Variants in EIF4G3 observed in about 807,000 individuals in gnomAD.
The protein encoded by EIF4G3 is eIF-4-gamma 3.
EIF4G3 carries 34 observed loss-of-function variants against 186.4 expected under a neutral mutation model. That is an observed-to-expected ratio of 0.18 (90% confidence interval 0.14 to 0.24). EIF4G3 has a LOEUF of 0.24. Ranked by LOEUF, EIF4G3 falls within the 10% of genes least tolerant of loss-of-function variation. EIF4G3 has a pLI of 1.00. For missense variants in EIF4G3, 1,536 were observed against 1,948.5 expected (o/e 0.79, Z 3.99); for synonymous variants, 673 against 679.5 (o/e 0.99, Z 0.15).
intron 3 of EIF4G3, among the ~76,000 whole-genome samples, chr1:21,058,391 C>A (rs1047024509): frequency 6.6e-6 from 1 of 152,152 alleles, no homozygotes; most frequent in Admixed American, 6.5e-5. Flanking sequence ...AGGCTTTCTG[C>A]ATGAAATTGT....
Position 21,017,649 on chromosome 1 carries a change from A to AG in EIF4G3, c.-66-14842_-66-14841insC, listed in dbSNP as rs933583545. On this transcript the variant is annotated intron_variant, in intron 4 of 36. Coordinates refer to ENST00000602326, the MANE Select transcript of EIF4G3 (RefSeq NM_001391906.1). ...TCTCAAAAAAAAAAAAAAAAAAAAA[A>AG]AAAAAGAAGTTTAGTGTCCTTAATC... Among the ~76,000 whole-genome samples the AG allele has an allele frequency of 5.3e-5, 8 of 150,460 alleles. No individual in the cohort carries two copies. The South Asian group carries it at 1.0e-3, about 20-fold the overall frequency.
At chr1:20,951,457 C>T (rs959210191) in intron 12 of EIF4G3, among the ~76,000 whole-genome samples, 1 of 151,768 alleles carries the variant, frequency 6.6e-6, no homozygotes, top group African/African-American at 2.4e-5. Context: ...TTCACGGGGA[C>T]AAATAAAGAA....
intron 4 of EIF4G3, among the ~76,000 whole-genome samples, chr1:21,047,578 CT>C (rs966341208): frequency 3.9e-5 from 6 of 152,200 alleles, no homozygotes; most frequent in African/African-American, 1.4e-4. Context: ...ATTCCCCACC[CT>C]GCTTCCCTCT....
intron 18 of EIF4G3, among the ~76,000 whole-genome samples, chr1:20,887,042 T>C (rs972518109): frequency 1.3e-5 from 2 of 152,194 alleles, no homozygotes; most frequent in African/African-American, 4.8e-5. Flanking sequence ...AAAAGTTGCA[T>C]TTTGTGTATC....
intron 8 of EIF4G3, 120 bp from the exon 9 acceptor site, chr1:20,981,347 T>C (rs1241541358): frequency 1.5e-5 from 11 of 722,282 alleles, no homozygotes; most frequent in Non-Finnish European, 2.4e-5. Context: ...AAATACAATA[T>C]GCATAAAAAG....
intron 7 of EIF4G3, among the ~76,000 whole-genome samples, chr1:20,994,449 TG>T (rs2081838116): frequency 6.6e-6 from 1 of 152,100 alleles, no homozygotes; most frequent in African/African-American, 2.4e-5. Flanking sequence ...AGAATTTAAC[TG>T]GTGTTCAGGA....
chr1:20,917,263 A>G (rs905606083), intron 14 of EIF4G3, among the ~76,000 whole-genome samples: 5 of 152,326 alleles, frequency 3.3e-5, no homozygotes, highest in Admixed American at 3.3e-4. Context: ...TTGGGAGGCC[A>G]AGGCAGGTGG....
intron 25 of EIF4G3, among the ~76,000 whole-genome samples, chr1:20,855,376 T>G (rs181063393): frequency 4.6e-5 from 7 of 152,360 alleles, no homozygotes; most frequent in African/African-American, 1.7e-4. Context: ...CTAATCATTC[T>G]TCTTGTACAA....
chr1:21,075,406 T>C (rs1469366109), intron 3 of EIF4G3, among the ~76,000 whole-genome samples: 1 of 151,268 alleles, frequency 6.6e-6, no homozygotes. Flanking sequence ...CCATCTCTAC[T>C]AAAAATCCAA....
At chr1:20,830,644 C>T (rs1431902010) in intron 30 of EIF4G3, among the ~76,000 whole-genome samples, 2 of 152,270 alleles carry the variant, frequency 1.3e-5, no homozygotes, top group East Asian at 3.9e-4. Context: ...GCTGGTCTTT[C>T]AGCAGTGTAC....
At chr1:20,916,990 T>G (rs1442472898) in intron 14 of EIF4G3, among the ~76,000 whole-genome samples, 4 of 152,188 alleles carry the variant, frequency 2.6e-5, no homozygotes, top group Non-Finnish European at 5.9e-5. Flanking sequence ...CATCTATACA[T>G]ATTCACCCAA....
chr1:21,076,564 T>G (rs2095594943), intron 3 of EIF4G3, among the ~76,000 whole-genome samples: 1 of 152,080 alleles, frequency 6.6e-6, no homozygotes, highest in Non-Finnish European at 1.5e-5. Context: ...ACAGCTACAG[T>G]AACCAAAACA....
chr1:20,929,155 T>C (rs1442203286), intron 14 of EIF4G3, among the ~76,000 whole-genome samples: 1 of 152,244 alleles, frequency 6.6e-6, no homozygotes, highest in Admixed American at 6.5e-5. Flanking sequence ...GTTACCACTT[T>C]ATGGCTGCCC....
At chr1:21,068,375 TAAAAAAAAAAAAA>T (rs869306512) in intron 3 of EIF4G3, among the ~76,000 whole-genome samples, 1 of 67,824 alleles carries the variant, frequency 1.5e-5, no homozygotes, top group Admixed American at 2.1e-4. Context: ...ACTCTGTCTT[TAAAAAAAAAAAAA>T]AAAAAAAAAA....
At chr1:20,823,326 ATATCT>A (rs1557789644) in intron 33 of EIF4G3, among the ~76,000 whole-genome samples, 4 of 152,160 alleles carry the variant, frequency 2.6e-5, no homozygotes, top group African/African-American at 9.7e-5. Context: ...ACATATTAAC[ATATCT>A]TAGATAGCTA....
At chr1:21,108,436 A>G (rs1557999389) in intron 2 of EIF4G3, among the ~76,000 whole-genome samples, 1 of 152,120 alleles carries the variant, frequency 6.6e-6, no homozygotes, top group Non-Finnish European at 1.5e-5. Context: ...TGGAGAAAGG[A>G]GGGGAATGTT....
At chr1:20,851,232 G>T in intron 28 of EIF4G3, 26 bp downstream of exon 28, 1 of 1,603,038 alleles carries the variant, frequency 6.2e-7, no homozygotes, top group South Asian at 1.1e-5. Flanking sequence ...ACCCAAATCT[G>T]CATCTGTTTA....
In EIF4G3 at chr1:21,041,731, G is replaced by T. The variant is rs11590759; in HGVS notation, c.-67+9135C>A. Among the ~76,000 whole-genome samples the T allele has an allele frequency of 9.4e-3, 1,429 of 152,158 alleles. 19 individuals are homozygous for T. The highest frequency in any genetic ancestry group is 0.032 in the African/African-American group (1,335 of 41,514). On this transcript the variant is annotated intron_variant, in intron 4 of 36. Coordinates refer to ENST00000602326, the MANE Select transcript of EIF4G3 (RefSeq NM_001391906.1). ...TTCTGCAATATGTCACCTACTTAGGGGTTTTCTATGAAACAAACTACTTTA... is the reference window on the plus strand; with the variant it reads ...TTCTGCAATATGTCACCTACTTAGGTGTTTTCTATGAAACAAACTACTTTA...
At chr1:20,872,340 G>T (rs943742077) in intron 20 of EIF4G3, among the ~76,000 whole-genome samples, 1 of 151,532 alleles carries the variant, frequency 6.6e-6, no homozygotes, top group Non-Finnish European at 1.5e-5. Flanking sequence ...TGCCCAGACT[G>T]GTCTCCAACT....
Sources: gnomAD v4.1 joint callset for allele counts (sites outside exome capture counted in the v4.1 genomes callset) on GRCh38, gnomAD v4.1.1 for gene constraint, MANE v1.5 for transcripts, NCBI Gene and HGNC (gene_info 2026-07-23, HGNC 2026-07-21) for gene names.